The following SLC5A4 variants were observed in gnomAD, a reference collection of about 807,000 sequenced individuals.
SLC5A4 encodes probable glucose sensor protein SLC5A4.
SLC5A4 carries 55 observed loss-of-function variants against 70.3 expected under a neutral mutation model. The ratio of observed to expected loss-of-function variants is 0.78; its 90% CI spans 0.63 to 0.98. The LOEUF (loss-of-function observed/expected upper bound fraction) is 0.98, where lower values mean the gene tolerates loss of function less well. Ranked by LOEUF, SLC5A4 falls within the 50% of genes least tolerant of loss-of-function variation. The pLI is 0.00. For synonymous variants in SLC5A4, 268 were observed against 305.7 expected, an observed-to-expected ratio of 0.88 and a Z score of 1.29; for missense variants, 735 against 839.2, an observed-to-expected ratio of 0.88 and a Z score of 1.53.
At chr22:32,257,222 T>C (rs1175745457), upstream of SLC5A4, among the ~76,000 whole-genome samples, 3 of 152,240 alleles carry the variant, frequency 2.0e-5, no homozygotes, top group Non-Finnish European at 4.4e-5. Flanking sequence ...GAGAGATATA[T>C]TCAACTTCTT....
chr22:32,294,749 G>A, the SLC5A4 span, among the ~76,000 whole-genome samples: 1 of 137,198 alleles, frequency 7.3e-6, no homozygotes. Flanking sequence ...GTGCCATGCT[G>A]GTGCGCTGCA....
At chr22:32,335,278 G>C in the SLC5A4 span, among the ~76,000 whole-genome samples, 45 of 151,752 alleles carry the variant, frequency 3.0e-4, no homozygotes, top group Admixed American at 1.5e-3. Flanking sequence ...CCGGGAAGCA[G>C]ATCCTGGGAT....
intron 13 of SLC5A4, among the ~76,000 whole-genome samples, chr22:32,222,688 G>A (rs1031846257): frequency 2.0e-5 from 3 of 152,080 alleles, no homozygotes; most frequent in Non-Finnish European, 4.4e-5. Flanking sequence ...CATGTCCTTC[G>A]TAAAACATTT....
chr22:32,309,759 C>CCA, the SLC5A4 span, among the ~76,000 whole-genome samples: 8 of 152,212 alleles, frequency 5.3e-5, 1 homozygote, highest in African/African-American at 1.9e-4. Flanking sequence ...CCCTGGCACC[C>CCA]CACCTCACAC....
the SLC5A4 span, among the ~76,000 whole-genome samples, chr22:32,303,006 TTTAAAAAAATAATTTGTTTAC>T: frequency 1.3e-5 from 2 of 151,940 alleles, no homozygotes; most frequent in Non-Finnish European, 2.9e-5. Flanking sequence ...TTTTCTCTTT[TTTAAAAAAATAATTTGTTTAC>T]TTATTTTTTT....
At chr22:32,237,389 A>G in intron 6 of SLC5A4, 65 bp from the exon 7 acceptor site, 1 of 1,116,408 alleles carries the variant, frequency 9.0e-7, no homozygotes, top group South Asian at 1.6e-5. Flanking sequence ...TACCTTCACC[A>G]CTGGGTTCTC....
the SLC5A4 span, chr22:32,271,896 T>G: frequency 1.7e-6 from 1 of 582,736 alleles, no homozygotes; most frequent in East Asian, 4.3e-5. Context: ...GAGTCCAAGA[T>G]GTACGCTGTG....
intron 9 of SLC5A4, 79 bp downstream of exon 9, chr22:32,232,820 C>A: frequency 6.7e-7 from 1 of 1,497,834 alleles, no homozygotes; most frequent in Non-Finnish European, 9.0e-7. Flanking sequence ...TGGATTTTCT[C>A]AAGGTTTTAT....
At chr22:32,294,665 C>CTTTTTCT in the SLC5A4 span, among the ~76,000 whole-genome samples, 1 of 87,666 alleles carries the variant, frequency 1.1e-5, no homozygotes, top group African/African-American at 4.3e-5. Flanking sequence ...TGGTGGTTGG[C>CTTTTTCT]TTTTTCTTTT....
At chr22:32,288,706 C>T in the SLC5A4 span, among the ~76,000 whole-genome samples, 228 of 152,196 alleles carry the variant, frequency 1.5e-3, 1 homozygote, top group Admixed American at 4.0e-3. Context: ...ACCACCACGC[C>T]TGGATAATTT....
the SLC5A4 span, among the ~76,000 whole-genome samples, chr22:32,346,791 T>C: frequency 6.8e-6 from 1 of 147,196 alleles, no homozygotes; most frequent in Non-Finnish European, 1.5e-5. Flanking sequence ...GACATAGGCA[T>C]GGGCAAGGAC....
the SLC5A4 span, among the ~76,000 whole-genome samples, chr22:32,310,064 G>GCC: frequency 6.8e-6 from 1 of 146,868 alleles, no homozygotes. Context: ...TGGGGAGGGG[G>GCC]GAGGGAGGAC....
chr22:32,251,316 G>T (rs549396598), intron 3 of SLC5A4, among the ~76,000 whole-genome samples: 2 of 152,082 alleles, frequency 1.3e-5, no homozygotes, highest in Non-Finnish European at 2.9e-5. Flanking sequence ...ACAGTATTGA[G>T]AGGTTAGACC....
At chr22:32,311,645 T>C in the SLC5A4 span, among the ~76,000 whole-genome samples, 2 of 152,210 alleles carry the variant, frequency 1.3e-5, no homozygotes, top group Non-Finnish European at 2.9e-5. Flanking sequence ...AAGATCCATG[T>C]GTCTGTGTCT....
intron 14 of SLC5A4, 85 bp downstream of exon 14, chr22:32,220,835 T>G (rs1925031804): frequency 5.5e-6 from 5 of 901,652 alleles, no homozygotes; most frequent in Non-Finnish European, 9.2e-6. Context: ...TTTCGGAAGC[T>G]GGATTTAATG....
chr22:32,325,249 C>T, the SLC5A4 span, among the ~76,000 whole-genome samples: 2 of 152,238 alleles, frequency 1.3e-5, no homozygotes, highest in South Asian at 2.1e-4. Context: ...AGGTGCGGGC[C>T]CTGCCCTCGA....
the SLC5A4 span, chr22:32,270,929 A>C: frequency 1.8e-6 from 1 of 566,904 alleles, no homozygotes; most frequent in Non-Finnish European, 3.3e-6. Flanking sequence ...TGGCATGTTC[A>C]CCACTGAGAG....
the SLC5A4 span, among the ~76,000 whole-genome samples, chr22:32,279,512 C>A: frequency 6.6e-6 from 1 of 151,802 alleles, no homozygotes; most frequent in Non-Finnish European, 1.5e-5. Flanking sequence ...AGTGTAGGGC[C>A]GGATGTGGTG....
chr22:32,250,221 C>A (rs981387091), intron 3 of SLC5A4, among the ~76,000 whole-genome samples: 3 of 152,106 alleles, frequency 2.0e-5, no homozygotes, highest in Non-Finnish European at 4.4e-5. Context: ...TGCTGAAGGT[C>A]AAACAAGAGG....
Sources: gnomAD v4.1 joint callset for allele counts (sites outside exome capture counted in the v4.1 genomes callset) on GRCh38, gnomAD v4.1.1 for gene constraint, MANE v1.5 for transcripts, NCBI Gene and HGNC (gene_info 2026-07-23, HGNC 2026-07-21) for gene names.